SIN3B: variants seen among roughly 807,000 people sequenced by gnomAD.
SIN3B encodes paired amphipathic helix protein Sin3b.
In SIN3B, 19 loss-of-function variants were observed where a neutral mutation model predicts 120.2. The ratio of observed to expected loss-of-function variants is 0.16; its 90% CI spans 0.11 to 0.23. SIN3B has a LOEUF of 0.23. SIN3B is among the 10% of genes least tolerant of loss of function. SIN3B has a pLI of 1.00. For missense variants in SIN3B, 1,073 were observed against 1,573.0 expected, an observed-to-expected ratio of 0.68 and a Z score of 5.38; for synonymous variants, 654 against 653.2, an observed-to-expected ratio of 1.00 and a Z score of -0.02.
rs1259152088 is a variant in SIN3B, at chr19:16,876,339, G to A, written c.2766+111G>A. The A allele has an allele frequency of 7.1e-7, 1 of 1,413,886 alleles. No homozygotes were observed. Among genetic ancestry groups the A allele is most frequent in the African/African-American group, 1.4e-5 (1 of 71,098 alleles). 87.6% of individuals were successfully genotyped at this position (1,413,886 alleles called of 1,614,324 possible). On this transcript the variant is annotated intron_variant, in intron 15 of 18. Transcript: ENST00000248054. This position sits in a 1 kb window ranked among gnomAD's most constrained non-coding sequence, Gnocchi z 7.1. Reference sequence around the variant, plus strand: ...CAGCGGCTGGGACACCGGCCCTGCTGCAGAGCCCATGAGGTACCTTTGACC... The same window carrying A: ...CAGCGGCTGGGACACCGGCCCTGCTACAGAGCCCATGAGGTACCTTTGACC...
intron 4 of SIN3B, among the ~76,000 whole-genome samples, chr19:16,843,378 T>C (rs1285998355): frequency 6.6e-6 from 1 of 152,256 alleles, no homozygotes; most frequent in Non-Finnish European, 1.5e-5. Context: ...ATTTGTGTTC[T>C]GGGAACTCCA....
rs1971525204 is a variant in SIN3B, at chr19:16,850,016, T to TA, written c.727-1395dup. ...TTGTGTAGATGCCAATTTCTCCACT[T>TA]ACAGCTCTCGAAATAGCCTTGAATT... On this transcript the variant is annotated intron_variant, in intron 5 of 18. Transcript: ENST00000248054. 2.0e-5 allele frequency among the ~76,000 whole-genome samples: 3 copies of TA among 150,034 alleles called. No individual in the cohort carries two copies. The South Asian group carries it at 6.4e-4, about 32-fold the overall frequency.
At chr19:16,852,161 C>CT (rs1971554103) in intron 6 of SIN3B, among the ~76,000 whole-genome samples, 1 of 152,202 alleles carries the variant, frequency 6.6e-6, no homozygotes, top group African/African-American at 2.4e-5. Flanking sequence ...GAGTCTCGCT[C>CT]TGTCACCCAG....
chr19:16,861,874 G>A (rs1311675576), intron 8 of SIN3B, among the ~76,000 whole-genome samples: 1 of 152,122 alleles, frequency 6.6e-6, no homozygotes, highest in East Asian at 1.9e-4. Flanking sequence ...GTTTGAGGTT[G>A]CAGTAAGCTG....
At chr19:16,850,539 G>A (rs899221386) in intron 5 of SIN3B, among the ~76,000 whole-genome samples, 2 of 151,988 alleles carry the variant, frequency 1.3e-5, no homozygotes, top group African/African-American at 2.4e-5. Context: ...GGGCTGATTT[G>A]TTCAGATGCA....
At chr19:16,851,306 C>G in intron 5 of SIN3B, 106 bp from the exon 6 acceptor site, 1 of 1,384,370 alleles carries the variant, frequency 7.2e-7, no homozygotes, top group East Asian at 2.7e-5. Flanking sequence ...CCCGTGGCCA[C>G]CATTGCCCAC....
rs1007789390 is a variant in SIN3B at position 16,870,071 on chromosome 19, G to A, written c.2418G>A (p.Gln806=). The change falls in exon 13 of 19, where the codon CAG becomes CAA. Residue 806 remains glutamine, a synonymous_variant. Coordinates refer to ENST00000248054, the MANE Select transcript of SIN3B (RefSeq NM_001297595.2). ...CCGCCATGGAGCTGCGGCTGAAGCA[G>A]CCCAGTAAGGCTCCAAAGCCTGCCG... ...SDPAMELRLK[Q]PSEVELEEYY... 2 of 1,591,670 alleles carry A rather than the reference G, an allele frequency of 1.3e-6. No homozygotes were observed. Among genetic ancestry groups the A allele is most frequent in the African/African-American group, 2.7e-5 (2 of 74,410 alleles).
In SIN3B at chr19:16,854,510, C is replaced by T. The variant is rs939410933; in HGVS notation, c.1058+249C>T. 3.0e-5 allele frequency: 13 copies of T among 430,482 alleles called. No individual in the cohort carries two copies. The East Asian group carries it at 4.9e-4, about 16-fold the overall frequency. 26.7% of individuals were successfully genotyped at this position (430,482 alleles called of 1,614,324 possible). ...GTATCCTCACCAGAATACAGTGGGTCCTCGAGTAATGCCTTTTCATTTAAC... is the reference window on the plus strand; with the variant it reads ...GTATCCTCACCAGAATACAGTGGGTTCTCGAGTAATGCCTTTTCATTTAAC... On this transcript the variant is annotated intron_variant, in intron 8 of 18. Transcript: ENST00000248054.
chr19:16,849,746 T>C (rs1273961219), intron 5 of SIN3B, among the ~76,000 whole-genome samples: 1 of 152,180 alleles, frequency 6.6e-6, no homozygotes, highest in Non-Finnish European at 1.5e-5. Context: ...GCATTTGTCA[T>C]ATGGTCGCCC....
chr19:16,878,198 C>A lies in SIN3B; in HGVS notation c.2970C>A (p.Phe990Leu). 2 of 1,576,244 alleles carry A rather than the reference C, an allele frequency of 1.3e-6. No individual in the cohort carries two copies. Among genetic ancestry groups the A allele is most frequent in the Non-Finnish European group, 1.7e-6 (2 of 1,158,842 alleles). Residue 990 changes from phenylalanine to leucine, a missense_variant, in exon 18 of 19, where the codon TTC becomes TTA. Coordinates refer to ENST00000248054, the MANE Select transcript of SIN3B (RefSeq NM_001297595.2). The stretch of plus-strand genomic sequence containing the variant: ...TCGCCCCCAGGAACCTCAAGAAGTT[C>A]CGCCGCCGGTGGCAGAGCGAGCAGG... ...PVFLQRNLKK[F>L]RRRWQSEQAR...
At chr19:16,842,085 G>C in intron 4 of SIN3B, 117 bp downstream of exon 4, 1 of 957,518 alleles carries the variant, frequency 1.0e-6, no homozygotes, top group Admixed American at 2.6e-5. Flanking sequence ...CTAATTAGTT[G>C]TGGGGTTTTT....
chr19:16,858,700 A>G (rs1773514657), intron 8 of SIN3B, among the ~76,000 whole-genome samples: 1 of 152,134 alleles, frequency 6.6e-6, no homozygotes, highest in African/African-American at 2.4e-5. Flanking sequence ...CTGTAATCCT[A>G]GCACTATGGG....
chr19:16,830,759 T>C (rs1384615559), intron 2 of SIN3B, among the ~76,000 whole-genome samples: 1 of 152,196 alleles, frequency 6.6e-6, no homozygotes, highest in Non-Finnish European at 1.5e-5. Context: ...GGCAGTACCA[T>C]TGGTATTTAT....
At chr19:16,833,977 T>G (rs1398109273) in intron 3 of SIN3B, among the ~76,000 whole-genome samples, 4 of 152,120 alleles carry the variant, frequency 2.6e-5, no homozygotes, top group Admixed American at 1.3e-4. Flanking sequence ...CGCCCACCTC[T>G]GCCTCCCAAA....
At position 16,878,664 on chromosome 19, in the gene SIN3B, C is replaced by T. The variant is rs763510445; in HGVS notation, c.3330C>T (p.His1110=). ...VPCKTLCETV[H]VHGLPVTRYR... ...GCAAGACGCTGTGTGAGACAGTGCA[C>T]GTGCACGGCCTGCCCGTGACCCGCT... Residue 1110 remains histidine, a synonymous_variant, in exon 19 of 19, where the codon CAC becomes CAT. Coordinates refer to ENST00000248054, the MANE Select transcript of SIN3B (RefSeq NM_001297595.2). 1.7e-5 allele frequency: 27 copies of T among 1,612,974 alleles called. No individual in the cohort carries two copies. Among genetic ancestry groups the T allele is most frequent in the South Asian group, 9.9e-5 (9 of 91,038 alleles).
At chr19:16,863,005 C>G in intron 9 of SIN3B, 1 of 1,523,326 alleles carries the variant, frequency 6.6e-7, no homozygotes, top group Non-Finnish European at 9.1e-7. Context: ...CCCACGGGCC[C>G]TGGCCCGCTG....
chr19:16,872,112 T>C (rs2051519397), intron 14 of SIN3B, among the ~76,000 whole-genome samples: 1 of 152,146 alleles, frequency 6.6e-6, no homozygotes, highest in African/African-American at 2.4e-5. Flanking sequence ...ACATGGGTCC[T>C]GCCTGGTTTC....
At chr19:16,839,150 T>G (rs1162289385) in intron 3 of SIN3B, among the ~76,000 whole-genome samples, 1 of 151,994 alleles carries the variant, frequency 6.6e-6, no homozygotes, top group Non-Finnish European at 1.5e-5. Context: ...GTATTTTTAG[T>G]GGAGACGGGG....
chr19:16,829,435 C>T lies in SIN3B; in HGVS notation c.15C>T (p.Gly5=), dbSNP rs894997099. 8.3e-6 allele frequency: 10 copies of T among 1,208,314 alleles called. No individual in the cohort carries two copies. In the Admixed American group the frequency reaches 3.1e-4, roughly 37 times the overall value. The allele number at this position is 1,208,314 out of a possible 1,614,324, so 74.8% of individuals were successfully genotyped here. A position where few individuals can be genotyped will look rare whatever the true frequency, so the allele number is the denominator to read the frequency against. Reference sequence around the variant, plus strand: ...CGACTTCGGACATGGCGCACGCTGGCGGTGGCAGCGGTGGCAGCGGTGCCG... The same window carrying T: ...CGACTTCGGACATGGCGCACGCTGGTGGTGGCAGCGGTGGCAGCGGTGCCG... MAHA[G]GGSGGSGAGG... is the part of the protein sequence containing the mutation. The change falls in exon 1 of 19, where the codon GGC becomes GGT. Residue 5 remains glycine, a synonymous_variant. Coordinates refer to ENST00000248054, the MANE Select transcript of SIN3B (RefSeq NM_001297595.2).
Sources: gnomAD v4.1 joint callset for allele counts (sites outside exome capture counted in the v4.1 genomes callset) on GRCh38, gnomAD v4.1.1 for gene constraint, Gnocchi (gnomAD v3.1) non-coding constraint, MANE v1.5 for transcripts, NCBI Gene and HGNC (gene_info 2026-07-23, HGNC 2026-07-21) for gene names.